AJAP1: variants seen among roughly 807,000 people sequenced by gnomAD.
AJAP1 encodes the protein adherens junction-associated protein 1.
AJAP1 carries 5 observed loss-of-function variants against 35.0 expected under a neutral mutation model. That is an observed-to-expected ratio of 0.14 (90% CI 0.07 to 0.30). The LOEUF is 0.30. AJAP1 is among the 10% of genes least tolerant of loss of function. The probability of loss-of-function intolerance (pLI) is 1.00; values close to 1 mark genes in which losing one functional copy is unlikely to be tolerated. For synonymous variants in AJAP1, 284 were observed against 249.3 expected, an observed-to-expected ratio of 1.14 and a Z score of -1.31; for missense variants, 586 against 571.0, an observed-to-expected ratio of 1.03 and a Z score of -0.27.
intron 2 of AJAP1, among the ~76,000 whole-genome samples, chr1:4,759,737 CA>C (rs971013046): frequency 2.6e-5 from 4 of 152,312 alleles, no homozygotes; most frequent in African/African-American, 9.6e-5. Context: ...GGAGCCTTGC[CA>C]TTTGTTTAGA....
chr1:4,789,249 C>A lies in AJAP1; in HGVS notation c.*6764C>A, dbSNP rs1642215627. 1 of 152,192 alleles carries A rather than the reference C, an allele frequency of 6.6e-6. No homozygotes were observed. The highest frequency in any genetic ancestry group is 6.5e-5 in the Admixed American group (1 of 15,280). The allele number at this position is 152,192 out of a possible 1,614,324, so 9.4% of individuals were successfully genotyped here. ...CTTCTCATGTAGGCTGGAATCAGAA[C>A]CTACGTATGCTGTAGATAACAGTCA... On this transcript the variant is annotated 3_prime_UTR_variant, in exon 6 of 6. Coordinates refer to ENST00000378191, the MANE Select transcript of AJAP1 (RefSeq NM_018836.4). This position sits in a 1 kb window ranked among gnomAD's most constrained non-coding sequence, Gnocchi z 4.4.
rs184863846 is a variant in AJAP1 at position 4,748,476 on chromosome 1, G to A, written c.830-21377G>A. Among the ~76,000 whole-genome samples, 231 of 152,054 alleles carry A rather than the reference G, an allele frequency of 1.5e-3. 2 individuals are homozygous for A. The highest frequency in any genetic ancestry group is 5.3e-3 in the African/African-American group (219 of 41,478). ...ATGGAACAGGGCTCTGGCTGGGTGC[G>A]GTGTCTCACGCCTGTAATCCCAGCA... On this transcript the variant is annotated intron_variant, in intron 2 of 5. Transcript: ENST00000378191.
In AJAP1 at chr1:4,728,070, G is replaced by A. The variant is rs567388046; in HGVS notation, c.829+15371G>A. ...ATAGCCAGACTCCAGAACAGAACTC[G>A]CCCACAGAACCAGAGATCACTGACA... On this transcript the variant is annotated intron_variant, in intron 2 of 5. Transcript: ENST00000378191. 7.2e-5 allele frequency among the ~76,000 whole-genome samples: 11 copies of A among 152,316 alleles called. No individual in the cohort carries two copies. The South Asian group carries it at 1.5e-3, about 20-fold the overall frequency.
intron 2 of AJAP1, among the ~76,000 whole-genome samples, chr1:4,741,802 G>C (rs946649784): frequency 2.0e-5 from 3 of 152,184 alleles, no homozygotes; most frequent in African/African-American, 7.2e-5. Context: ...AGGGAGAGCA[G>C]GAGTCAAGTC....
chr1:4,744,940 G>A (rs2100322755), intron 2 of AJAP1, among the ~76,000 whole-genome samples: 1 of 152,154 alleles, frequency 6.6e-6, no homozygotes, highest in East Asian at 2.0e-4. Context: ...CCGGATTCGG[G>A]GCTGGGAGGC....
Position 4,692,049 on chromosome 1 carries a change from C to T in AJAP1, c.30-19851C>T, listed in dbSNP as rs117947410. Among the ~76,000 whole-genome samples the T allele has an allele frequency of 1.4e-3, 206 of 152,270 alleles. 2 individuals carry two copies. The East Asian group carries it at 0.036, about 26-fold the overall frequency. On this transcript the variant is annotated intron_variant, in intron 1 of 5. Transcript: ENST00000378191. This position sits in a 1 kb window ranked among gnomAD's most constrained non-coding sequence, Gnocchi z 4.4. ...CAGGCCGGGTGTCCCTGAGACTGGC[C>T]GAGGCCCTCAGCCCTGTGCTCCTTC...
intron 2 of AJAP1, among the ~76,000 whole-genome samples, chr1:4,718,196 C>G (rs1429575224): frequency 6.6e-6 from 1 of 152,060 alleles, no homozygotes; most frequent in Non-Finnish European, 1.5e-5. Context: ...ACCCAATCAG[C>G]CTGTTAGAGC....
intron 5 of AJAP1, among the ~76,000 whole-genome samples, chr1:4,775,898 C>T (rs1557650826): frequency 6.6e-6 from 1 of 152,240 alleles, no homozygotes; most frequent in Non-Finnish European, 1.5e-5. Flanking sequence ...GGAGCCCCTA[C>T]TGGAGTGCCA....
At chr1:4,765,658 C>T (rs1010233460) in intron 2 of AJAP1, among the ~76,000 whole-genome samples, 7 of 152,184 alleles carry the variant, frequency 4.6e-5, no homozygotes, top group Non-Finnish European at 8.8e-5. Context: ...GATGCTATTT[C>T]TTTTAAACAT....
intron 1 of AJAP1, among the ~76,000 whole-genome samples, chr1:4,677,274 G>C (rs949630436): frequency 6.6e-6 from 1 of 152,172 alleles, no homozygotes; most frequent in Non-Finnish European, 1.5e-5. Context: ...CTGCCAAGGG[G>C]GACCCGCCAG....
chr1:4,778,883 G>A (rs567152872), intron 5 of AJAP1, among the ~76,000 whole-genome samples: 3 of 152,240 alleles, frequency 2.0e-5, no homozygotes, highest in East Asian at 1.9e-4. Context: ...CCTCTGCCGC[G>A]TCTCTGAGCC....
rs1440624555 is a variant in AJAP1, at chr1:4,790,338, A to G, written c.*7853A>G. 6.6e-6 allele frequency: 1 copy of G among 152,170 alleles called. No individual in the cohort carries two copies. The highest frequency in any genetic ancestry group is 1.5e-5 in the Non-Finnish European group (1 of 68,044). 9.4% of individuals were successfully genotyped at this position (152,170 alleles called of 1,614,324 possible). A position where few individuals can be genotyped will look rare whatever the true frequency, so the allele number is the denominator to read the frequency against. On this transcript the variant is annotated 3_prime_UTR_variant, in exon 6 of 6. Transcript: ENST00000378191. ...CTGCCTACCACTTAAGGCCTACAAA[A>G]CCACATGGGAGTTTCTTTATTGCGT...
At chr1:4,699,307 G>A (rs935353767) in intron 1 of AJAP1, among the ~76,000 whole-genome samples, 5 of 152,136 alleles carry the variant, frequency 3.3e-5, no homozygotes, top group Admixed American at 6.5e-5. Flanking sequence ...AGAAACCCAC[G>A]GAACAGCCAC....
chr1:4,699,065 T>C (rs755833340), intron 1 of AJAP1, among the ~76,000 whole-genome samples: 1 of 152,110 alleles, frequency 6.6e-6, no homozygotes, highest in Non-Finnish European at 1.5e-5. Context: ...GTCCAGAACC[T>C]CCTTCTCACT....
intron 1 of AJAP1, among the ~76,000 whole-genome samples, chr1:4,699,794 T>C (rs1639946927): frequency 6.6e-6 from 1 of 152,202 alleles, no homozygotes; most frequent in Admixed American, 6.5e-5. Context: ...CTACTATTTC[T>C]GTGTTTTTCC....
chr1:4,763,100 A>T (rs1480940886), intron 2 of AJAP1, among the ~76,000 whole-genome samples: 1 of 152,210 alleles, frequency 6.6e-6, no homozygotes, highest in Non-Finnish European at 1.5e-5. Flanking sequence ...AGCTGCAGTG[A>T]TATCTGTCCT....
intron 2 of AJAP1, among the ~76,000 whole-genome samples, chr1:4,759,050 G>C (rs1641505740): frequency 6.6e-6 from 1 of 152,186 alleles, no homozygotes; most frequent in African/African-American, 2.4e-5. Flanking sequence ...CATTATATTG[G>C]TCACTGACCC....
intron 2 of AJAP1, among the ~76,000 whole-genome samples, chr1:4,767,629 TCATCACCACATCAC>T (rs1641715511): frequency 7.4e-6 from 1 of 135,108 alleles, no homozygotes; most frequent in African/African-American, 2.8e-5. Context: ...ATCATTACCA[TCATCACCACATCAC>T]CATCACCACC....
At chr1:4,776,094 C>T (rs1165814754) in intron 5 of AJAP1, among the ~76,000 whole-genome samples, 3 of 152,230 alleles carry the variant, frequency 2.0e-5, no homozygotes, top group Non-Finnish European at 4.4e-5. Flanking sequence ...CACTCCCTTC[C>T]GCCAAGAGCC....
Sources: allele counts gnomAD v4.1 joint callset (sites outside exome capture counted in the v4.1 genomes callset), GRCh38; gene constraint gnomAD v4.1.1; non-coding constraint Gnocchi (gnomAD v3.1); transcripts MANE v1.5; gene names NCBI Gene and HGNC (gene_info 2026-07-23, HGNC 2026-07-21).